The following ASPRV1 variants were observed in gnomAD, a reference collection of about 807,000 sequenced individuals.
The protein encoded by ASPRV1 is retroviral-like aspartic protease 1.
In ASPRV1, 7 loss-of-function variants were observed where a neutral mutation model predicts 11.0. The ratio of observed to expected loss-of-function variants is 0.64; its 90% CI spans 0.36 to 1.20. The LOEUF is 1.20. ASPRV1 is among the 50% of genes most tolerant of loss of function. ASPRV1 has a pLI of 0.02. For missense variants in ASPRV1, 299 were observed against 320.0 expected, an observed-to-expected ratio of 0.93 and a Z score of 0.50; for synonymous variants, 136 against 138.4, an observed-to-expected ratio of 0.98 and a Z score of 0.12.
the ASPRV1 span, among the ~76,000 whole-genome samples, chr2:70,034,103 C>T: frequency 7.3e-6 from 1 of 137,728 alleles, no homozygotes; most frequent in African/African-American, 2.8e-5. Context: ...TGCAGTGAGC[C>T]GAGATCGTGC....
the ASPRV1 span, among the ~76,000 whole-genome samples, chr2:70,044,702 G>A: frequency 2.4e-4 from 36 of 151,930 alleles, no homozygotes; most frequent in African/African-American, 8.2e-4. Flanking sequence ...CAGGTGATCC[G>A]CCCACCTCGG....
the ASPRV1 span, among the ~76,000 whole-genome samples, chr2:70,058,360 A>T: frequency 1.1e-4 from 17 of 152,092 alleles, no homozygotes; most frequent in African/African-American, 4.1e-4. Flanking sequence ...CTCCTGCCTC[A>T]GCCTCCCAAG....
the ASPRV1 span, among the ~76,000 whole-genome samples, chr2:70,077,118 G>A: frequency 1.3e-5 from 2 of 152,054 alleles, no homozygotes; most frequent in Admixed American, 6.6e-5. Flanking sequence ...TCATAGTACC[G>A]GAATCATATG....
chr2:69,999,244 C>T, the ASPRV1 span, among the ~76,000 whole-genome samples: 2 of 151,862 alleles, frequency 1.3e-5, no homozygotes, highest in Admixed American at 1.3e-4. Flanking sequence ...GTAGCTGGGA[C>T]TCCAGGTGCA....
At chr2:70,024,181 A>T in the ASPRV1 span, among the ~76,000 whole-genome samples, 1 of 152,176 alleles carries the variant, frequency 6.6e-6, no homozygotes, top group Non-Finnish European at 1.5e-5. Flanking sequence ...ACTATGAAAA[A>T]TTTATTCCAA....
chr2:69,992,319 A>G, the ASPRV1 span, among the ~76,000 whole-genome samples: 3 of 152,186 alleles, frequency 2.0e-5, no homozygotes, highest in Non-Finnish European at 4.4e-5. Flanking sequence ...AAGCAAACAA[A>G]CAACTTTGGT....
At chr2:70,004,403 A>AC in the ASPRV1 span, among the ~76,000 whole-genome samples, 4 of 151,798 alleles carry the variant, frequency 2.6e-5, no homozygotes, top group Non-Finnish European at 4.4e-5. Context: ...CGTGGCGCAC[A>AC]CCTGTAGTCC....
chr2:70,076,705 A>G, the ASPRV1 span, among the ~76,000 whole-genome samples: 1 of 152,232 alleles, frequency 6.6e-6, no homozygotes, highest in Non-Finnish European at 1.5e-5. Flanking sequence ...GCTTGGCAAA[A>G]TCATCTAATA....
At chr2:70,036,309 T>A in the ASPRV1 span, among the ~76,000 whole-genome samples, 2 of 151,942 alleles carry the variant, frequency 1.3e-5, no homozygotes, top group African/African-American at 2.4e-5. Context: ...ATAAAAGCAG[T>A]GATCAGGGCA....
the ASPRV1 span, among the ~76,000 whole-genome samples, chr2:70,022,008 C>T: frequency 2.7e-5 from 4 of 150,362 alleles, no homozygotes; most frequent in East Asian, 7.9e-4. Context: ...CCAGCCAATA[C>T]ATTTTGTTTT....
the ASPRV1 span, among the ~76,000 whole-genome samples, chr2:69,952,906 G>C: frequency 6.6e-6 from 1 of 152,124 alleles, no homozygotes; most frequent in African/African-American, 2.4e-5. Flanking sequence ...GTTACCTTTG[G>C]AATCAGTTCC....
the ASPRV1 span, among the ~76,000 whole-genome samples, chr2:69,943,647 C>A: frequency 6.4e-3 from 972 of 152,266 alleles, 10 homozygotes; most frequent in African/African-American, 0.023. Context: ...TTTATTCATT[C>A]ACTGAACAAA....
At chr2:69,992,529 C>T in the ASPRV1 span, among the ~76,000 whole-genome samples, 1 of 152,224 alleles carries the variant, frequency 6.6e-6, no homozygotes, top group Non-Finnish European at 1.5e-5. Flanking sequence ...GCGATTTCAT[C>T]ATCAAAATCT....
the ASPRV1 span, among the ~76,000 whole-genome samples, chr2:69,986,343 T>C: frequency 6.6e-6 from 1 of 152,230 alleles, no homozygotes; most frequent in Non-Finnish European, 1.5e-5. Context: ...GCAACCCCTC[T>C]GCTTAGCAGC....
chr2:70,059,296 T>A, the ASPRV1 span, among the ~76,000 whole-genome samples: 186 of 150,744 alleles, frequency 1.2e-3, 2 homozygotes, highest in Middle Eastern at 3.4e-3. Flanking sequence ...ATTTTTTTTT[T>A]AATTATACTT....
At chr2:69,978,558 G>C in the ASPRV1 span, among the ~76,000 whole-genome samples, 1 of 152,050 alleles carries the variant, frequency 6.6e-6, no homozygotes, top group Non-Finnish European at 1.5e-5. Context: ...GCTACCTCCC[G>C]TTCACCCTGA....
the ASPRV1 span, among the ~76,000 whole-genome samples, chr2:70,027,943 A>G: frequency 6.6e-6 from 1 of 152,214 alleles, no homozygotes; most frequent in South Asian, 2.1e-4. Flanking sequence ...ATGTACCCCC[A>G]TAAGTATGTT....
the ASPRV1 span, among the ~76,000 whole-genome samples, chr2:70,012,925 C>T: frequency 2.0e-5 from 3 of 152,146 alleles, no homozygotes; most frequent in African/African-American, 7.2e-5. Flanking sequence ...CCTGTCACCT[C>T]ATAGAAAACA....
the ASPRV1 span, among the ~76,000 whole-genome samples, chr2:70,069,615 A>G: frequency 6.6e-6 from 1 of 152,206 alleles, no homozygotes; most frequent in Non-Finnish European, 1.5e-5. Context: ...AGCCCTTCAA[A>G]TGGGCCACAA....
Sources: allele counts gnomAD v4.1 joint callset (sites outside exome capture counted in the v4.1 genomes callset), GRCh38; gene constraint gnomAD v4.1.1; transcripts MANE v1.5; gene names NCBI Gene and HGNC (gene_info 2026-07-23, HGNC 2026-07-21).